Variants in OCA2 observed in about 807,000 individuals in gnomAD.
OCA2 encodes P protein.
A neutral mutation model predicts 100.2 loss-of-function variants in OCA2; 77 were observed. The ratio of observed to expected loss-of-function variants is 0.77; its 90% confidence interval spans 0.64 to 0.93. The LOEUF is 0.93. Among genes scored for constraint, OCA2 ranks in the 40% least tolerant of loss-of-function variants. The probability of loss-of-function intolerance (pLI) is 0.00; values close to 1 mark genes in which losing one functional copy is unlikely to be tolerated. For missense variants in OCA2, 1,062 were observed against 1,089.1 expected, an observed-to-expected ratio of 0.98 and a Z score of 0.35; for synonymous variants, 432 against 439.2, an observed-to-expected ratio of 0.98 and a Z score of 0.21.
At chr15:27,825,906 T>C (rs1434923344) in intron 23 of OCA2, among the ~76,000 whole-genome samples, 1 of 152,210 alleles carries the variant, frequency 6.6e-6, no homozygotes, top group East Asian at 1.9e-4. Flanking sequence ...CAGTGCACTA[T>C]CTGAATTTGT....
intron 2 of OCA2, among the ~76,000 whole-genome samples, chr15:28,042,832 G>T: frequency 6.6e-6 from 1 of 152,134 alleles, no homozygotes; most frequent in East Asian, 1.9e-4. Flanking sequence ...CTTTACAAGT[G>T]AAAAGTTTTT....
chr15:27,948,679 C>T (rs1005216731), intron 18 of OCA2, among the ~76,000 whole-genome samples: 14 of 152,006 alleles, frequency 9.2e-5, no homozygotes, highest in Admixed American at 2.6e-4. Flanking sequence ...TTGCCCAGGC[C>T]GGTCTCGAAC....
At chr15:27,775,448 G>A (rs2032154005) in intron 23 of OCA2, among the ~76,000 whole-genome samples, 1 of 152,188 alleles carries the variant, frequency 6.6e-6, no homozygotes, top group Non-Finnish European at 1.5e-5. Context: ...ATTCTCTCCA[G>A]TGTTTTCTCC....
chr15:27,852,104 G>A (rs144805958), intron 21 of OCA2, among the ~76,000 whole-genome samples: 107 of 152,300 alleles, frequency 7.0e-4, no homozygotes, highest in African/African-American at 1.7e-3. Context: ...CTAGTCAGCC[G>A]TGCCAGCCTC....
chr15:27,925,991 A>G (rs568168026), intron 19 of OCA2, 136 bp downstream of exon 19: 14 of 1,051,784 alleles, frequency 1.3e-5, no homozygotes, highest in Middle Eastern at 3.1e-4. Flanking sequence ...AAATAGTCCA[A>G]TTACAACCTT....
intron 23 of OCA2, among the ~76,000 whole-genome samples, chr15:27,825,552 G>A (rs2034687591): frequency 6.6e-6 from 1 of 152,176 alleles, no homozygotes; most frequent in South Asian, 2.1e-4. Context: ...AGGAAAGGAG[G>A]TGGAGTGATG....
the OCA2 span, among the ~76,000 whole-genome samples, chr15:27,720,791 T>A: frequency 6.6e-6 from 1 of 152,156 alleles, no homozygotes; most frequent in Non-Finnish European, 1.5e-5. Flanking sequence ...ATACATGAGT[T>A]TATTATACAG....
chr15:27,793,144 C>T (rs956688868), intron 23 of OCA2, among the ~76,000 whole-genome samples: 1 of 152,214 alleles, frequency 6.6e-6, no homozygotes, highest in South Asian at 2.1e-4. Flanking sequence ...AATGCAGCCA[C>T]AGATCAATGG....
chr15:27,875,336 A>G (rs1349271685), intron 19 of OCA2, among the ~76,000 whole-genome samples: 1 of 152,096 alleles, frequency 6.6e-6, no homozygotes, highest in Non-Finnish European at 1.5e-5. Context: ...GACAGAGTCT[A>G]TTTCTGGACT....
rs147518282 is a variant in OCA2 at position 27,923,544 on chromosome 15, T to C, written c.2079+2583A>G. Among the ~76,000 whole-genome samples the C allele has an allele frequency of 2.0e-3, 308 of 152,322 alleles. 1 individual carries two copies. Among genetic ancestry groups the C allele is most frequent in the African/African-American group, 7.3e-3 (303 of 41,582 alleles). On this transcript the variant is annotated intron_variant, in intron 19 of 23. Transcript: ENST00000354638. ...CATGTGTTATTTGTTGACTCTTTAA[T>C]AATAGCTATATGACTGGTGTGAGAT...
At chr15:27,805,336 G>C (rs991518241) in intron 23 of OCA2, among the ~76,000 whole-genome samples, 1 of 152,366 alleles carries the variant, frequency 6.6e-6, no homozygotes, top group Admixed American at 6.5e-5. Flanking sequence ...GCTCCCGCAG[G>C]CAGGGAACCG....
intron 19 of OCA2, among the ~76,000 whole-genome samples, chr15:27,913,197 T>C (rs577864913): frequency 3.3e-4 from 51 of 152,286 alleles, no homozygotes; most frequent in African/African-American, 1.2e-3. Flanking sequence ...TTTAGTAATA[T>C]TCTACTAATG....
Position 28,024,831 on chromosome 15 carries a change from G to C in OCA2, c.573+14C>G, listed in dbSNP as rs758766915. ...CGGACCCAACAGTAGTGCTGGGGCA[G>C]CTAAGGTACTCACAGAACACAGCAC... On this transcript the variant is annotated intron_variant, in intron 5 of 23. Coordinates refer to ENST00000354638, the MANE Select transcript of OCA2 (RefSeq NM_000275.3). 4.3e-6 allele frequency: 7 copies of C among 1,613,972 alleles called. No homozygotes were observed. The highest frequency in any genetic ancestry group is 1.3e-5 in the African/African-American group (1 of 74,940).
At chr15:27,990,525 G>A in intron 10 of OCA2, 51 bp downstream of exon 10, 8 of 1,538,006 alleles carry the variant, frequency 5.2e-6, no homozygotes, top group Non-Finnish European at 7.2e-6. Context: ...ACATCTTTGA[G>A]CTGACATCCC....
At chr15:27,987,555 TAA>T (rs34819807) in intron 11 of OCA2, among the ~76,000 whole-genome samples, 33 of 140,656 alleles carry the variant, frequency 2.3e-4, no homozygotes, top group East Asian at 1.8e-3. Context: ...CCATCTCTAC[TAA>T]AAAAAAAAAA....
intron 13 of OCA2, among the ~76,000 whole-genome samples, 169 bp from the exon 14 acceptor site, chr15:27,983,652 C>T (rs1043227160): frequency 4.6e-5 from 7 of 152,302 alleles, no homozygotes; most frequent in Non-Finnish European, 7.4e-5. Flanking sequence ...CAACAACCCC[C>T]GCAGGCCACA....
intron 2 of OCA2, among the ~76,000 whole-genome samples, chr15:28,038,157 C>T (rs1007758744): frequency 1.3e-5 from 2 of 152,124 alleles, no homozygotes; most frequent in Non-Finnish European, 2.9e-5. Context: ...CTTCACTGAC[C>T]CAAGCTGCCT....
chr15:28,054,260 A>G lies in OCA2; in HGVS notation c.228-22097T>C, dbSNP rs540369027. Among the ~76,000 whole-genome samples the G allele has an allele frequency of 4.6e-5, 7 of 152,150 alleles. No individual in the cohort carries two copies. In the South Asian group the frequency reaches 1.2e-3, roughly 27 times the overall value. On this transcript the variant is annotated intron_variant, in intron 2 of 23. Transcript: ENST00000354638. Reference sequence around the variant, plus strand: ...TATATACATGTATAAATGTGTGTGGATGCATATAATCATGTGTGCATGCAT... The same window carrying G: ...TATATACATGTATAAATGTGTGTGGGTGCATATAATCATGTGTGCATGCAT...
At chr15:28,018,128 A>G (rs2042461536) in intron 7 of OCA2, among the ~76,000 whole-genome samples, 1 of 152,192 alleles carries the variant, frequency 6.6e-6, no homozygotes, top group Non-Finnish European at 1.5e-5. Flanking sequence ...TTTCATTTCA[A>G]ATGTATGTTT....
Sources: gnomAD v4.1 joint callset for allele counts (sites outside exome capture counted in the v4.1 genomes callset) on GRCh38, gnomAD v4.1.1 for gene constraint, MANE v1.5 for transcripts, NCBI Gene and HGNC (gene_info 2026-07-23, HGNC 2026-07-21) for gene names.